NOS1: variants seen among roughly 807,000 people sequenced by gnomAD.
The protein encoded by NOS1 is nitric oxide synthase 1.
In NOS1, 51 loss-of-function variants were observed where a neutral mutation model predicts 164.5. The ratio of observed to expected loss-of-function variants is 0.31; its 90% CI spans 0.25 to 0.39. NOS1 has a LOEUF of 0.39. NOS1 is among the 10% of genes least tolerant of loss of function. The pLI is 1.00. For missense variants in NOS1, 1,362 were observed against 1,885.6 expected (o/e 0.72, Z 5.14); for synonymous variants, 719 against 745.8 (o/e 0.96, Z 0.59).
At chr12:117,245,271 C>G (rs1356334448) in intron 18 of NOS1, among the ~76,000 whole-genome samples, 1 of 152,144 alleles carries the variant, frequency 6.6e-6, no homozygotes, top group Admixed American at 6.6e-5. Flanking sequence ...CTGGCACAGT[C>G]TACATTTATT....
chr12:117,256,008 C>T lies in NOS1; in HGVS notation c.2532-2254G>A, dbSNP rs188094607. On this transcript the variant is annotated intron_variant, in intron 16 of 28. Transcript: ENST00000317775. Reference sequence around the variant, plus strand: ...ACCATTGGGGAGGGGAGGCCCTTTACGGGGAAAGAAACGCAAGGGTTCCGG... The same window carrying T: ...ACCATTGGGGAGGGGAGGCCCTTTATGGGGAAAGAAACGCAAGGGTTCCGG... The T allele has an allele frequency of 5.5e-4, 812 of 1,465,634 alleles. 3 individuals carry two copies. Among genetic ancestry groups the T allele is most frequent in the South Asian group, 2.1e-3 (143 of 67,556 alleles). The allele number at this position is 1,465,634 out of a possible 1,614,324, so 90.8% of individuals were successfully genotyped here.
intron 20 of NOS1, among the ~76,000 whole-genome samples, chr12:117,240,144 T>G (rs935621629): frequency 6.6e-6 from 1 of 152,236 alleles, no homozygotes; most frequent in Non-Finnish European, 1.5e-5. Flanking sequence ...CAATGCTACT[T>G]AAATCATCCC....
At chr12:117,257,364 T>C (rs991130458) in intron 16 of NOS1, among the ~76,000 whole-genome samples, 5 of 152,184 alleles carry the variant, frequency 3.3e-5, no homozygotes, top group Non-Finnish European at 7.3e-5. Context: ...ATTATAGGCA[T>C]GAGCCACCGT....
intron 3 of NOS1, among the ~76,000 whole-genome samples, chr12:117,300,345 C>A (rs556517642): frequency 7.7e-4 from 118 of 152,338 alleles, no homozygotes; most frequent in Admixed American, 2.2e-3. Context: ...GGACAGCCTG[C>A]ATTGAATATA....
chr12:117,258,625 C>A (rs145229662), intron 15 of NOS1, among the ~76,000 whole-genome samples, 170 bp from the exon 16 acceptor site: 1 of 152,136 alleles, frequency 6.6e-6, no homozygotes, highest in Admixed American at 6.5e-5. Context: ...GGGCTACAGA[C>A]GCAGTGGATA....
chr12:117,327,687 A>G (rs907631642), intron 2 of NOS1, among the ~76,000 whole-genome samples: 3 of 152,136 alleles, frequency 2.0e-5, no homozygotes, highest in Non-Finnish European at 2.9e-5. Flanking sequence ...ACGTCACACA[A>G]TGCTGTGTGT....
chr12:117,281,708 C>G (rs977199898), intron 7 of NOS1, among the ~76,000 whole-genome samples: 1 of 150,626 alleles, frequency 6.6e-6, no homozygotes, highest in Non-Finnish European at 1.5e-5. Flanking sequence ...GTGGGGGGTG[C>G]CTGTAGTCCC....
intron 2 of NOS1, among the ~76,000 whole-genome samples, chr12:117,317,628 C>T (rs529936764): frequency 8.0e-4 from 122 of 152,128 alleles, no homozygotes; most frequent in African/African-American, 2.7e-3. Flanking sequence ...CCCATCCTTG[C>T]TCTATGCTCA....
At chr12:117,321,496 C>A (rs931616361) in intron 2 of NOS1, among the ~76,000 whole-genome samples, 22 of 152,100 alleles carry the variant, frequency 1.4e-4, no homozygotes, top group African/African-American at 5.1e-4. Context: ...TATCCCATGG[C>A]TCTTCCTCAG....
intron 9 of NOS1, among the ~76,000 whole-genome samples, chr12:117,276,967 G>T (rs992253653): frequency 6.6e-5 from 10 of 152,208 alleles, no homozygotes; most frequent in African/African-American, 2.4e-4. Flanking sequence ...ATATCTCTTC[G>T]ATATACTGAT....
At chr12:117,246,422 C>A (rs1870619182) in intron 18 of NOS1, among the ~76,000 whole-genome samples, 1 of 152,192 alleles carries the variant, frequency 6.6e-6, no homozygotes, top group Non-Finnish European at 1.5e-5. Context: ...AAGCATCAAC[C>A]ACCATGTCCA....
intron 22 of NOS1, among the ~76,000 whole-genome samples, chr12:117,231,328 A>AG (rs1424017193): frequency 3.3e-5 from 5 of 152,006 alleles, no homozygotes; most frequent in Admixed American, 2.6e-4. Flanking sequence ...AGAGAAAAAA[A>AG]AAAAGAATAA....
intron 3 of NOS1, chr12:117,304,848 C>T (rs1043502960): frequency 1.4e-4 from 30 of 207,712 alleles, no homozygotes; most frequent in Non-Finnish European, 1.7e-4. Flanking sequence ...ACAAGAGCAT[C>T]GAAGAGGGTG....
chr12:117,246,067 AT>A, intron 18 of NOS1: 2 of 156,526 alleles, frequency 1.3e-5, no homozygotes. Context: ...CACATGTTCT[AT>A]TTTTACAATA....
intron 1 of NOS1, among the ~76,000 whole-genome samples, chr12:117,345,031 CTTTTTTTTTT>C (rs57878360): frequency 1.6e-5 from 2 of 124,558 alleles, no homozygotes; most frequent in Non-Finnish European, 3.4e-5. Context: ...TGCTTTCTTG[CTTTTTTTTTT>C]TTTTTTTTTT....
At chr12:117,242,807 T>C in intron 19 of NOS1, 102 bp from the exon 20 acceptor site, 1 of 990,380 alleles carries the variant, frequency 1.0e-6, no homozygotes. Flanking sequence ...TCCCAACTAC[T>C]TAGGAGGCTG....
chr12:117,359,634 C>A (rs529589698), intron 1 of NOS1, among the ~76,000 whole-genome samples: 1 of 151,970 alleles, frequency 6.6e-6, no homozygotes. Context: ...ACCCTCCCTC[C>A]GTGGTGGCTG....
At chr12:117,226,008 G>A (rs1476200281) in intron 24 of NOS1, among the ~76,000 whole-genome samples, 1 of 152,206 alleles carries the variant, frequency 6.6e-6, no homozygotes, top group Non-Finnish European at 1.5e-5. Context: ...ATCACCTGGG[G>A]ATGTTCAAGG....
Position 117,233,806 on chromosome 12 carries a change from C to T in NOS1, c.3235+759G>A, listed in dbSNP as rs966949539. On this transcript the variant is annotated intron_variant, in intron 21 of 28. Transcript: ENST00000317775. Reference sequence around the variant, plus strand: ...CTGGGCAACAAGAGCAAAAGTCTGTCTCAAAAAAAAAAAAAAAAAAAAAAA... The same window carrying T: ...CTGGGCAACAAGAGCAAAAGTCTGTTTCAAAAAAAAAAAAAAAAAAAAAAA... Among the ~76,000 whole-genome samples the T allele has an allele frequency of 5.6e-4, 59 of 106,160 alleles. 1 individual carries two copies. The highest frequency in any genetic ancestry group is 2.4e-3 in the African/African-American group (58 of 24,636). 69.6% of individuals were successfully genotyped at this position (106,160 alleles called of 152,430 possible).
Sources: gnomAD v4.1 joint callset for allele counts (sites outside exome capture counted in the v4.1 genomes callset) on GRCh38, gnomAD v4.1.1 for gene constraint, MANE v1.5 for transcripts, NCBI Gene and HGNC (gene_info 2026-07-23, HGNC 2026-07-21) for gene names.